ACTR3C: variants seen among roughly 807,000 people sequenced by gnomAD.
ACTR3C encodes actin related protein 3C.
In ACTR3C, 18 loss-of-function variants were observed where a neutral mutation model predicts 26.3. That is an observed-to-expected ratio of 0.68 (90% CI 0.47 to 1.01). ACTR3C has a LOEUF of 1.01. Ranked by LOEUF, ACTR3C falls within the 50% of genes least tolerant of loss-of-function variation. ACTR3C has a pLI of 0.00. For missense variants in ACTR3C, 184 were observed against 250.7 expected (o/e 0.73, Z 1.80); for synonymous variants, 55 against 94.5 (o/e 0.58, Z 2.42).
chr7:150,161,827 G>A, the ACTR3C span, among the ~76,000 whole-genome samples: 3 of 152,020 alleles, frequency 2.0e-5, no homozygotes, highest in African/African-American at 4.8e-5. Flanking sequence ...TCCTTGGGAC[G>A]TGTGACTTGG....
At chr7:150,068,205 G>C in the ACTR3C span, among the ~76,000 whole-genome samples, 36 of 152,118 alleles carry the variant, frequency 2.4e-4, no homozygotes, top group African/African-American at 8.2e-4. Context: ...GGATTGTCTT[G>C]GACAAGAAGG....
chr7:150,223,642 T>A, the ACTR3C span, among the ~76,000 whole-genome samples: 1 of 151,954 alleles, frequency 6.6e-6, no homozygotes, highest in East Asian at 1.9e-4. Flanking sequence ...GTCCAGATGT[T>A]CCTGAACTAA....
intron 1 of ACTR3C, among the ~76,000 whole-genome samples, chr7:150,303,347 C>T (rs1584973066): frequency 6.6e-6 from 1 of 152,178 alleles, no homozygotes; most frequent in East Asian, 1.9e-4. Context: ...GCCATATATT[C>T]AAGACACTAG....
chr7:149,887,576 A>G, the ACTR3C span, among the ~76,000 whole-genome samples: 1 of 152,194 alleles, frequency 6.6e-6, no homozygotes, highest in African/African-American at 2.4e-5. Context: ...AGCTGCCCAT[A>G]GTGTCGCTGG....
chr7:149,963,596 A>C, the ACTR3C span, among the ~76,000 whole-genome samples: 1 of 152,170 alleles, frequency 6.6e-6, no homozygotes, highest in Non-Finnish European at 1.5e-5. Context: ...CCTTCAGAAC[A>C]ACAGAAACAC....
At chr7:150,078,606 A>G in the ACTR3C span, among the ~76,000 whole-genome samples, 1 of 150,990 alleles carries the variant, frequency 6.6e-6, no homozygotes, top group East Asian at 1.9e-4. Context: ...TGAGAGGGGG[A>G]GTTGAATTCT....
At chr7:149,955,186 A>C in the ACTR3C span, among the ~76,000 whole-genome samples, 26 of 152,348 alleles carry the variant, frequency 1.7e-4, no homozygotes, top group African/African-American at 6.0e-4. Flanking sequence ...CTGCTTCTCC[A>C]GTTAGTACCA....
At chr7:149,942,646 T>C in the ACTR3C span, among the ~76,000 whole-genome samples, 2 of 150,070 alleles carry the variant, frequency 1.3e-5, no homozygotes, top group Admixed American at 6.6e-5. Flanking sequence ...TCTACAAAGC[T>C]TTACAGTCAG....
the ACTR3C span, among the ~76,000 whole-genome samples, chr7:149,964,925 G>A: frequency 0.012 from 1,750 of 152,014 alleles, 39 homozygotes; most frequent in African/African-American, 0.041. Context: ...AAGTGAATAA[G>A]GTCTCACCCT....
the ACTR3C span, among the ~76,000 whole-genome samples, chr7:149,980,301 G>C: frequency 6.6e-6 from 1 of 152,298 alleles, no homozygotes; most frequent in African/African-American, 2.4e-5. Flanking sequence ...AATACTTTAG[G>C]CTTTGTTTTA....
the ACTR3C span, among the ~76,000 whole-genome samples, chr7:150,227,688 G>GTGTTTTT: frequency 3.4e-4 from 38 of 111,366 alleles, no homozygotes; most frequent in East Asian, 3.0e-3. Context: ...TTGTGTCTGG[G>GTGTTTTT]TTTTTTTTTT....
chr7:150,045,609 T>A, the ACTR3C span, among the ~76,000 whole-genome samples: 5 of 150,212 alleles, frequency 3.3e-5, no homozygotes, highest in African/African-American at 1.2e-4. Flanking sequence ...AAGTTAGAGA[T>A]GCTGTTTAGA....
chr7:150,091,812 C>G, the ACTR3C span, among the ~76,000 whole-genome samples: 17 of 150,074 alleles, frequency 1.1e-4, no homozygotes, highest in Middle Eastern at 3.4e-3. Context: ...GAAACACCGT[C>G]TCTACTAAAA....
At chr7:150,094,846 T>C in the ACTR3C span, among the ~76,000 whole-genome samples, 74 of 150,666 alleles carry the variant, frequency 4.9e-4, 4 homozygotes, top group African/African-American at 1.7e-3. Context: ...GCTTAGAAGC[T>C]CATGCTTGCA....
At chr7:150,016,571 G>A in the ACTR3C span, among the ~76,000 whole-genome samples, 1 of 152,034 alleles carries the variant, frequency 6.6e-6, no homozygotes, top group Non-Finnish European at 1.5e-5. Context: ...TCCACTGCAT[G>A]TTTCAATCAT....
chr7:150,264,643 AG>A (rs1212765250), intron 6 of ACTR3C: 1 of 964,078 alleles, frequency 1.0e-6, no homozygotes, highest in African/African-American at 1.8e-5. Context: ...AGAAAACAAA[AG>A]TCCCTAAACC....
the ACTR3C span, among the ~76,000 whole-genome samples, chr7:150,168,041 G>T: frequency 6.6e-6 from 1 of 150,726 alleles, no homozygotes; most frequent in Non-Finnish European, 1.5e-5. Context: ...TGAAGGTGAA[G>T]AATTTTTCTG....
the ACTR3C span, among the ~76,000 whole-genome samples, chr7:150,029,403 C>CAA: frequency 2.7e-4 from 11 of 41,408 alleles, no homozygotes; most frequent in African/African-American, 1.1e-3. Flanking sequence ...TTATCAAAAA[C>CAA]AAAAAAAAAA....
chr7:149,998,869 C>T, the ACTR3C span, among the ~76,000 whole-genome samples: 2 of 150,580 alleles, frequency 1.3e-5, no homozygotes, highest in African/African-American at 2.4e-5. Context: ...CAGGAAGGGG[C>T]TGCGCTGCTG....
Sources: allele counts gnomAD v4.1 joint callset (sites outside exome capture counted in the v4.1 genomes callset), GRCh38; gene constraint gnomAD v4.1.1; transcripts MANE v1.5; gene names NCBI Gene and HGNC (gene_info 2026-07-23, HGNC 2026-07-21).